The following ZNF695 variants were observed in gnomAD, a reference collection of about 807,000 sequenced individuals.
The protein encoded by ZNF695 is zinc finger protein 695.
ZNF695 carries 11 observed loss-of-function variants against 11.2 expected under a neutral mutation model. The observed-to-expected ratio is 0.98, with a 90% CI of 0.62 to 1.62. The LOEUF (loss-of-function observed/expected upper bound fraction) is 1.62. Among genes scored for constraint, ZNF695 ranks in the 40% most tolerant of loss-of-function variants. The pLI, the probability that ZNF695 is intolerant of heterozygous loss-of-function variation, is 0.00. For missense variants in ZNF695, 559 were observed against 590.5 expected (o/e 0.95, Z 0.55); for synonymous variants, 190 against 201.4 (o/e 0.94, Z 0.48).
At position 246,999,436 on chromosome 1, in the gene ZNF695, A is replaced by T; in HGVS notation, c.171T>A (p.Leu57=). The change falls in exon 3 of 4, where the codon CTT becomes CTA. Residue 57 remains leucine (L), a synonymous_variant. Coordinates refer to ENST00000339986, the MANE Select transcript of ZNF695 (RefSeq NM_020394.5). ...SFNMQFLFHS[L]AMSKPELIIC... ...TGATCAGTTCTGGCTTAGACATAGC[A>T]AGACCTGTTTTATTAGAAAAAAGGT... 6.2e-7 allele frequency: 1 copy of T among 1,613,426 alleles called. No individual in the cohort carries two copies. Among genetic ancestry groups the T allele is most frequent in the South Asian group, 1.1e-5 (1 of 91,048 alleles).
chr1:246,948,408 G>A (rs939585813), intron 5 of ZNF695, among the ~76,000 whole-genome samples: 4 of 152,088 alleles, frequency 2.6e-5, no homozygotes, highest in Admixed American at 6.6e-5. Flanking sequence ...GCCACTCCAA[G>A]TGTGGATCCC....
intron 5 of ZNF695, among the ~76,000 whole-genome samples, chr1:246,956,524 G>A (rs1668006305): frequency 6.6e-6 from 1 of 151,866 alleles, no homozygotes; most frequent in Non-Finnish European, 1.5e-5. Context: ...GCTGAAGTAG[G>A]AGAATCACTT....
intron 3 of ZNF695, among the ~76,000 whole-genome samples, chr1:246,994,139 ATCT>A: frequency 6.6e-6 from 1 of 152,198 alleles, no homozygotes; most frequent in Non-Finnish European, 1.5e-5. Flanking sequence ...AATTATAAAC[ATCT>A]GTTCATATAA....
At chr1:246,963,719 G>C (rs1211484964) in intron 5 of ZNF695, among the ~76,000 whole-genome samples, 1 of 152,188 alleles carries the variant, frequency 6.6e-6, no homozygotes, top group Non-Finnish European at 1.5e-5. Flanking sequence ...CTCTCCGGTT[G>C]CTAAAATGTG....
At chr1:247,005,982 T>C (rs962754008) in intron 1 of ZNF695, among the ~76,000 whole-genome samples, 1 of 152,156 alleles carries the variant, frequency 6.6e-6, no homozygotes, top group Non-Finnish European at 1.5e-5. Flanking sequence ...TCCCAGCACT[T>C]TGGGAGGCCG....
intron 3 of ZNF695, among the ~76,000 whole-genome samples, chr1:246,993,406 C>G (rs1669099027): frequency 6.6e-6 from 1 of 151,768 alleles, no homozygotes; most frequent in South Asian, 2.1e-4. Context: ...GAGACTCTGT[C>G]TCAAAAAACA....
chr1:247,007,133 G>A (rs1296252820), intron 1 of ZNF695, among the ~76,000 whole-genome samples: 1 of 152,126 alleles, frequency 6.6e-6, no homozygotes. Context: ...CCAGGGCTAG[G>A]GGCTTCCAGA....
At chr1:246,970,970 C>G (rs1007242891) in intron 4 of ZNF695, among the ~76,000 whole-genome samples, 9 of 151,946 alleles carry the variant, frequency 5.9e-5, no homozygotes, top group Non-Finnish European at 8.8e-5. Flanking sequence ...TGTGCAGAGA[C>G]GAGAGATCGT....
intron 3 of ZNF695, among the ~76,000 whole-genome samples, chr1:246,992,526 G>T (rs1382633554): frequency 1.3e-5 from 2 of 152,106 alleles, no homozygotes; most frequent in Non-Finnish European, 2.9e-5. Flanking sequence ...GATAATTTCA[G>T]CTGGACATTT....
chr1:246,959,017 G>A (rs771783992), intron 5 of ZNF695, among the ~76,000 whole-genome samples: 4 of 151,736 alleles, frequency 2.6e-5, no homozygotes, highest in African/African-American at 4.8e-5. Context: ...GGCCAGGTGC[G>A]TTGGCTCACA....
chr1:246,991,381 A>G (rs1423259590), intron 3 of ZNF695, among the ~76,000 whole-genome samples: 1 of 152,220 alleles, frequency 6.6e-6, no homozygotes, highest in Admixed American at 6.5e-5. Context: ...TCATTTGACA[A>G]GAGATTAACA....
At chr1:246,971,059 T>G (rs756250811) in intron 4 of ZNF695, among the ~76,000 whole-genome samples, 2 of 152,132 alleles carry the variant, frequency 1.3e-5, no homozygotes, top group Admixed American at 6.5e-5. Context: ...AATGCGGAGA[T>G]GGGTAGTGGC....
chr1:247,006,267 G>GA (rs1456275991), intron 1 of ZNF695, among the ~76,000 whole-genome samples: 2 of 150,022 alleles, frequency 1.3e-5, no homozygotes, highest in Non-Finnish European at 3.0e-5. Flanking sequence ...ATTGCACTGT[G>GA]AAAAAAACAA....
chr1:246,999,654 T>TTGG (rs1412709496), intron 2 of ZNF695, among the ~76,000 whole-genome samples: 1 of 152,198 alleles, frequency 6.6e-6, no homozygotes, highest in African/African-American at 2.4e-5. Context: ...GGATCAAAAA[T>TTGG]TGGTGGTGGA....
At chr1:246,978,848 G>A (rs1444722462) in intron 4 of ZNF695, among the ~76,000 whole-genome samples, 6 of 100,326 alleles carry the variant, frequency 6.0e-5, no homozygotes, top group African/African-American at 1.0e-4. Flanking sequence ...CTGCTTGTCG[G>A]GGAAATGACT....
chr1:246,974,153 C>CAAAAAAAAAAAA (rs36072925), intron 4 of ZNF695, among the ~76,000 whole-genome samples: 1 of 143,456 alleles, frequency 7.0e-6, no homozygotes. Context: ...AAAAAACAAA[C>CAAAAAAAAAAAA]AAACAAACAA....
intron 3 of ZNF695, among the ~76,000 whole-genome samples, chr1:246,993,298 T>C (rs544145092): frequency 8.7e-4 from 133 of 152,106 alleles, no homozygotes; most frequent in African/African-American, 3.2e-3. Context: ...TCCCAGCTAC[T>C]TGGGAGGCTA....
intron 4 of ZNF695, among the ~76,000 whole-genome samples, chr1:246,972,789 A>G (rs940513649): frequency 2.8e-4 from 42 of 152,060 alleles, no homozygotes; most frequent in Non-Finnish European, 2.9e-5. Context: ...AAGTGCTGGG[A>G]TTGCAGGCGT....
At chr1:246,980,190 A>C (rs1005562589) in intron 4 of ZNF695, among the ~76,000 whole-genome samples, 3 of 150,790 alleles carry the variant, frequency 2.0e-5, no homozygotes, top group Admixed American at 6.6e-5. Flanking sequence ...AAAAAAAAAA[A>C]AAAAAAAAAA....
Sources: allele counts gnomAD v4.1 joint callset (sites outside exome capture counted in the v4.1 genomes callset), GRCh38; gene constraint gnomAD v4.1.1; transcripts MANE v1.5; gene names NCBI Gene and HGNC (gene_info 2026-07-23, HGNC 2026-07-21).